PCCB: variants seen among roughly 807,000 people sequenced by gnomAD.
PCCB encodes propionyl-CoA carboxylase subunit beta, also known as propionyl-CoA carboxylase beta chain, mitochondrial.
PCCB carries 43 observed loss-of-function variants against 60.7 expected under a neutral mutation model. That is an observed-to-expected ratio of 0.71 (90% CI 0.55 to 0.91). The LOEUF is 0.91. PCCB is among the 40% of genes least tolerant of loss of function. PCCB has a pLI of 0.00. For missense variants in PCCB, 766 were observed against 702.8 expected (o/e 1.09, Z -1.02); for synonymous variants, 276 against 255.9 (o/e 1.08, Z -0.75).
chr3:136,260,532 C>T lies in PCCB; in HGVS notation c.426C>T (p.Cys142=), dbSNP rs1376761451. The change falls in exon 4 of 15, where the codon TGC becomes TGT. Residue 142 remains cysteine, a synonymous_variant. Coordinates refer to ENST00000251654, the MANE Select transcript of PCCB (RefSeq NM_000532.5). The part of the protein sequence containing the change: ...SLSGAHAQKI[C]KIMDQAITVG... ...CAGGAGCACATGCCCAAAAGATCTG[C>T]AAAGTAAGTGTTTAATACTCAAATT... The T allele has an allele frequency of 1.2e-6, 2 of 1,611,256 alleles. No individual in the cohort carries two copies. The highest frequency in any genetic ancestry group is 2.2e-5 in the South Asian group (2 of 90,936).
rs894413080 is a variant in PCCB at position 136,300,141 on chromosome 3, CAT to C, written c.885-888_885-887del. ...ACACGTGTATATATGTATATCTACA[CAT>C]GTGTTCACATACATATATACACATA... is the stretch of plus-strand genomic sequence containing the variant. On this transcript the variant is annotated intron_variant, in intron 8 of 14. Transcript: ENST00000251654. Among the ~76,000 whole-genome samples, 50 of 150,044 alleles carry C rather than the reference CAT, an allele frequency of 3.3e-4. No homozygotes were observed. The South Asian group carries it at 3.6e-3, about 11-fold the overall frequency.
At chr3:136,325,580 ACTC>A (rs1935276619) in intron 10 of PCCB, among the ~76,000 whole-genome samples, 1 of 149,240 alleles carries the variant, frequency 6.7e-6, no homozygotes, top group African/African-American at 2.5e-5. Context: ...CTGGTCTTGA[ACTC>A]CTGACCTCAA....
Position 136,329,533 on chromosome 3 carries a change from G to A in PCCB, c.1499-372G>A, listed in dbSNP as rs994472008. 5.3e-5 allele frequency among the ~76,000 whole-genome samples: 8 copies of A among 152,222 alleles called. No homozygotes were observed. In the East Asian group the frequency reaches 9.6e-4, roughly 18 times the overall value. ...AATCCACCTCTTGAAGAGAGAAGTG[G>A]TAAAGTCACATTGCAGGACTTGTGT... On this transcript the variant is annotated intron_variant, in intron 14 of 14. Transcript: ENST00000251654.
chr3:136,290,943 A>C (rs1933660011), intron 6 of PCCB, among the ~76,000 whole-genome samples: 1 of 151,254 alleles, frequency 6.6e-6, no homozygotes, highest in African/African-American at 2.4e-5. Flanking sequence ...GTTTCTCTTG[A>C]GATATCCTCA....
chr3:136,302,087 T>C (rs1191927097), intron 9 of PCCB, among the ~76,000 whole-genome samples: 1 of 152,168 alleles, frequency 6.6e-6, no homozygotes, highest in Non-Finnish European at 1.5e-5. Context: ...ACCCATCTCT[T>C]TGCACCTCTG....
Position 136,283,837 on chromosome 3 carries a change from A to G in PCCB, c.544A>G (p.Arg182Gly). ...SLAGYADIFL[R>G]NVTASGVIPQ... The stretch of plus-strand genomic sequence containing the variant: ...TGCTTTTGCTTTTCTGTTTTGGCAG[A>G]GGAATGTTACGGCATCCGGAGTCAT... The change falls in exon 6 of 15, where the codon AGG (arginine) becomes GGG (glycine). Residue 182 changes from arginine to glycine, a missense_variant and splice_region_variant. Transcript: ENST00000251654. 6.2e-7 allele frequency: 1 copy of G among 1,606,530 alleles called. No homozygotes were observed. Among genetic ancestry groups the G allele is most frequent in the Non-Finnish European group, 8.5e-7 (1 of 1,173,156 alleles).
At chr3:136,251,937 G>T (rs1177722336) in intron 1 of PCCB, among the ~76,000 whole-genome samples, 1 of 151,896 alleles carries the variant, frequency 6.6e-6, no homozygotes, top group Non-Finnish European at 1.5e-5. Context: ...GAGTGCCATG[G>T]TGCGATCTTG....
chr3:136,294,061 T>C (rs971290235), intron 7 of PCCB, among the ~76,000 whole-genome samples, 197 bp downstream of exon 7: 2 of 152,222 alleles, frequency 1.3e-5, no homozygotes, highest in Non-Finnish European at 2.9e-5. Context: ...GTATATAAAA[T>C]TTATTAAATA....
rs1370289032 is a variant in PCCB at position 136,301,065 on chromosome 3, C to T, written c.920C>T (p.Pro307Leu). The T allele has an allele frequency of 3.7e-6, 6 of 1,614,068 alleles. No individual in the cohort carries two copies. Among genetic ancestry groups the T allele is most frequent in the African/African-American group, 1.3e-5 (1 of 74,922 alleles). Residue 307 changes from proline (P) to leucine (L), a missense_variant, in exon 9 of 15, where the codon CCT becomes CTT. By Grantham distance (98) the Pro-to-Leu change is moderately conservative. Coordinates refer to ENST00000251654, the MANE Select transcript of PCCB (RefSeq NM_000532.5). ...RLVPELDTIV[P>L]LESTKAYNMV... The stretch of plus-strand genomic sequence containing the variant: ...GTTCCTGAGCTTGACACAATTGTCC[C>T]TTTGGAATCAACCAAAGCCTACAAC...
At chr3:136,309,578 T>C (rs1363302356) in intron 9 of PCCB, among the ~76,000 whole-genome samples, 1 of 151,772 alleles carries the variant, frequency 6.6e-6, no homozygotes, top group Non-Finnish European at 1.5e-5. Flanking sequence ...GGTGGGAGGA[T>C]CGCTTGAAGC....
chr3:136,311,338 A>G (rs1934659131), intron 9 of PCCB, among the ~76,000 whole-genome samples: 1 of 152,126 alleles, frequency 6.6e-6, no homozygotes, highest in African/African-American at 2.4e-5. Flanking sequence ...ACAGGAATGT[A>G]CAGAAGCTGT....
In PCCB at chr3:136,290,816, G is replaced by A. The variant is rs1258157081; in HGVS notation, c.655-2940G>A. ...CTTTTTTCTCTTTCTGCTCCTTCTG[G>A]AATTCTCATTATGTATATGTTACAT... On this transcript the variant is annotated intron_variant, in intron 6 of 14. Transcript: ENST00000251654. Among the ~76,000 whole-genome samples the A allele has an allele frequency of 2.0e-5, 3 of 150,648 alleles. No individual in the cohort carries two copies. In the East Asian group the frequency reaches 5.8e-4, roughly 29 times the overall value.
chr3:136,284,123 G>C (rs775773985), intron 6 of PCCB, among the ~76,000 whole-genome samples, 176 bp downstream of exon 6: 1 of 152,220 alleles, frequency 6.6e-6, no homozygotes, highest in Non-Finnish European at 1.5e-5. Flanking sequence ...TGTAGCTTGT[G>C]GGGGTTCAGT....
chr3:136,297,146 T>C (rs569532318), intron 7 of PCCB, among the ~76,000 whole-genome samples: 4 of 152,152 alleles, frequency 2.6e-5, no homozygotes, highest in South Asian at 2.1e-4. Context: ...TGCATTGATA[T>C]GTAAGTGGGG....
At chr3:136,317,429 A>G (rs1286023217) in intron 10 of PCCB, among the ~76,000 whole-genome samples, 1 of 151,494 alleles carries the variant, frequency 6.6e-6, no homozygotes, top group African/African-American at 2.4e-5. Context: ...GGGTTTTGCC[A>G]TGTTGCCTGT....
intron 13 of PCCB, 98 bp from the exon 14 acceptor site, chr3:136,328,660 T>G (rs1935421461): frequency 2.1e-6 from 2 of 942,756 alleles, no homozygotes; most frequent in Admixed American, 1.8e-5. Flanking sequence ...TACACTGATT[T>G]ACCAAGAAAT....
chr3:136,258,141 T>G (rs768030587), intron 3 of PCCB, among the ~76,000 whole-genome samples: 24 of 149,138 alleles, frequency 1.6e-4, no homozygotes, highest in Non-Finnish European at 2.4e-4. Context: ...AAAAGAGAGA[T>G]AGAACAAAGA....
chr3:136,287,440 T>G (rs1207837206), intron 6 of PCCB, among the ~76,000 whole-genome samples: 1 of 138,442 alleles, frequency 7.2e-6, no homozygotes, highest in Admixed American at 7.0e-5. Flanking sequence ...GTGTTTTTTG[T>G]TTTTTTTTTG....
intron 10 of PCCB, among the ~76,000 whole-genome samples, chr3:136,325,583 C>T (rs1353724972): frequency 1.3e-5 from 2 of 151,976 alleles, no homozygotes; most frequent in South Asian, 2.1e-4. Context: ...GTCTTGAACT[C>T]CTGACCTCAA....
Sources: gnomAD v4.1 joint callset for allele counts (sites outside exome capture counted in the v4.1 genomes callset) on GRCh38, gnomAD v4.1.1 for gene constraint, MANE v1.5 for transcripts, NCBI Gene and HGNC (gene_info 2026-07-23, HGNC 2026-07-21) for gene names.